The following EPHA6 variants were observed in gnomAD, a reference collection of about 807,000 sequenced individuals.
EPHA6 encodes ephrin type-A receptor 6.
EPHA6 carries 50 observed loss-of-function variants against 112.0 expected under a neutral mutation model. The ratio of observed to expected loss-of-function variants is 0.45; its 90% CI spans 0.36 to 0.56. The LOEUF (loss-of-function observed/expected upper bound fraction) is 0.56, where lower values mean the gene tolerates loss of function less well. Among genes scored for constraint, EPHA6 ranks in the 20% least tolerant of loss-of-function variants. The pLI, the probability that EPHA6 is intolerant of heterozygous loss-of-function variation, is 0.00. For missense variants in EPHA6, 1,280 were observed against 1,417.4 expected (o/e 0.90, Z 1.56); for synonymous variants, 529 against 490.7 (o/e 1.08, Z -1.03).
At chr3:97,220,891 T>C (rs1472032950) in intron 3 of EPHA6, among the ~76,000 whole-genome samples, 1 of 152,102 alleles carries the variant, frequency 6.6e-6, no homozygotes, top group East Asian at 1.9e-4. Context: ...TTGCAGAAAC[T>C]GTGGAGTGGA....
At chr3:96,958,260 A>C (rs1390517686) in intron 2 of EPHA6, among the ~76,000 whole-genome samples, 1 of 151,778 alleles carries the variant, frequency 6.6e-6, no homozygotes, top group African/African-American at 2.4e-5. Context: ...ATTGCACTCC[A>C]GCCTGGATGA....
chr3:97,652,062 A>G (rs2094110965), intron 14 of EPHA6, among the ~76,000 whole-genome samples: 1 of 152,020 alleles, frequency 6.6e-6, no homozygotes, highest in Non-Finnish European at 1.5e-5. Flanking sequence ...TGCATACTCC[A>G]TGTTTTGCTC....
intron 5 of EPHA6, among the ~76,000 whole-genome samples, chr3:97,344,634 C>T (rs936938346): frequency 6.6e-6 from 1 of 152,198 alleles, no homozygotes; most frequent in Non-Finnish European, 1.5e-5. Context: ...AATTGTTTTA[C>T]AGAGTGGCTT....
At chr3:96,847,955 G>A (rs572237763) in intron 1 of EPHA6, among the ~76,000 whole-genome samples, 9 of 152,064 alleles carry the variant, frequency 5.9e-5, no homozygotes, top group Admixed American at 1.3e-4. Flanking sequence ...GTTTTATAAC[G>A]TTCACAGTTT....
At chr3:97,161,280 T>G (rs1057492093) in intron 3 of EPHA6, among the ~76,000 whole-genome samples, 3 of 152,178 alleles carry the variant, frequency 2.0e-5, no homozygotes, top group Non-Finnish European at 4.4e-5. Context: ...TTTTAGATGA[T>G]GCAATGGTTT....
At chr3:97,378,755 T>G (rs2109011125) in intron 5 of EPHA6, among the ~76,000 whole-genome samples, 1 of 152,260 alleles carries the variant, frequency 6.6e-6, no homozygotes, top group African/African-American at 2.4e-5. Context: ...AACCCATTTG[T>G]TTTGGCCAAT....
intron 3 of EPHA6, among the ~76,000 whole-genome samples, chr3:97,201,270 A>G (rs907504493): frequency 6.6e-6 from 1 of 152,128 alleles, no homozygotes. Context: ...TCACTGATGT[A>G]TTTACTCACT....
At chr3:97,560,132 TC>T (rs1355795946) in intron 11 of EPHA6, among the ~76,000 whole-genome samples, 2 of 151,554 alleles carry the variant, frequency 1.3e-5, no homozygotes, top group Admixed American at 1.3e-4. Flanking sequence ...AATAAGAAAC[TC>T]TGTTTTCCTG....
chr3:96,967,684 G>T (rs1472839599), intron 2 of EPHA6, among the ~76,000 whole-genome samples: 2 of 143,194 alleles, frequency 1.4e-5, no homozygotes, highest in African/African-American at 5.8e-5. Context: ...AGTAACAGTT[G>T]TGTGTGTGTG....
At chr3:97,386,240 G>A (rs1189195405) in intron 5 of EPHA6, among the ~76,000 whole-genome samples, 7 of 152,076 alleles carry the variant, frequency 4.6e-5, no homozygotes, top group African/African-American at 1.2e-4. Context: ...TTACTTTCAA[G>A]ATCTGTGAGC....
intron 2 of EPHA6, among the ~76,000 whole-genome samples, chr3:96,965,167 T>C (rs909753538): frequency 1.3e-5 from 2 of 152,176 alleles, no homozygotes; most frequent in Non-Finnish European, 1.5e-5. Context: ...TAGACTCAGT[T>C]ACTGTTACAG....
chr3:96,847,308 C>T (rs993094577), intron 1 of EPHA6, among the ~76,000 whole-genome samples: 1 of 152,018 alleles, frequency 6.6e-6, no homozygotes. Context: ...TAATTTCTTA[C>T]ATTTCTCAGC....
chr3:97,163,305 A>G (rs539718818), intron 3 of EPHA6, among the ~76,000 whole-genome samples: 7 of 152,288 alleles, frequency 4.6e-5, no homozygotes, highest in South Asian at 4.1e-4. Flanking sequence ...CTTTTGATCC[A>G]TATTTCAACC....
intron 3 of EPHA6, among the ~76,000 whole-genome samples, chr3:97,033,992 T>A (rs1396633971): frequency 6.6e-6 from 1 of 151,938 alleles, no homozygotes; most frequent in Non-Finnish European, 1.5e-5. Context: ...TTGAAAGGGT[T>A]TACCTTAGTA....
At chr3:97,735,553 CATTTGTTATATGTT>C (rs2035217144) in intron 15 of EPHA6, among the ~76,000 whole-genome samples, 1 of 151,978 alleles carries the variant, frequency 6.6e-6, no homozygotes, top group African/African-American at 2.4e-5. Flanking sequence ...TTACTTAAGA[CATTTGTTATATGTT>C]ATTTGCACTA....
At chr3:97,643,557 C>T (rs2094029262) in intron 14 of EPHA6, among the ~76,000 whole-genome samples, 2 of 146,912 alleles carry the variant, frequency 1.4e-5, no homozygotes, top group South Asian at 2.2e-4. Context: ...ATCTCACGTG[C>T]AGAGACACAC....
At chr3:97,262,489 AAACC>A (rs2079536893) in intron 5 of EPHA6, among the ~76,000 whole-genome samples, 1 of 152,130 alleles carries the variant, frequency 6.6e-6, no homozygotes, top group African/African-American at 2.4e-5. Context: ...ATTCCCTGGT[AAACC>A]TCTACACATG....
chr3:97,076,725 G>T (rs2046538840), intron 3 of EPHA6, among the ~76,000 whole-genome samples: 1 of 152,112 alleles, frequency 6.6e-6, no homozygotes, highest in Admixed American at 6.6e-5. Context: ...GACTGACACT[G>T]CTGTTACGGG....
rs557417411 is a variant in EPHA6 at position 97,182,025 on chromosome 3, CA to C, written c.1115-44236del. On this transcript the variant is annotated intron_variant, in intron 3 of 17. Transcript: ENST00000389672. The stretch of plus-strand genomic sequence containing the variant: ...ACTTGGAATGGAGAAGTATAACTGC[CA>C]AAGGTTGTTGCAGATGAATCATTCT... Among the ~76,000 whole-genome samples the C allele has an allele frequency of 5.3e-5, 8 of 152,082 alleles. No individual in the cohort carries two copies. In the South Asian group the frequency reaches 1.7e-3, roughly 32 times the overall value.
Sources: gnomAD v4.1 joint callset for allele counts (sites outside exome capture counted in the v4.1 genomes callset) on GRCh38, gnomAD v4.1.1 for gene constraint, MANE v1.5 for transcripts, NCBI Gene and HGNC (gene_info 2026-07-23, HGNC 2026-07-21) for gene names.